Variants in HSCB observed in about 807,000 individuals in gnomAD.
HSCB encodes iron-sulfur cluster co-chaperone protein HscB.
A neutral mutation model predicts 31.3 loss-of-function variants in HSCB; 23 were observed. That is an observed-to-expected ratio of 0.74 (90% CI 0.53 to 1.04). HSCB has a LOEUF of 1.04. HSCB is among the 50% of genes least tolerant of loss of function. The pLI is 0.00. For synonymous variants in HSCB, 110 were observed against 104.5 expected (o/e 1.05, Z -0.32); for missense variants, 297 against 288.1 (o/e 1.03, Z -0.22).
chr22:28,754,427 TGA>T (rs2030464999), intron 5 of HSCB, among the ~76,000 whole-genome samples: 1 of 152,052 alleles, frequency 6.6e-6, no homozygotes, highest in Non-Finnish European at 1.5e-5. Context: ...CCCAGCACTT[TGA>T]GAGACTGAGG....
intron 3 of HSCB, chr22:28,745,120 C>T (rs1303400480): frequency 6.3e-6 from 1 of 157,826 alleles, no homozygotes; most frequent in Non-Finnish European, 1.4e-5. Context: ...GTATAATTTT[C>T]TCTGTGAATA....
At chr22:28,747,173 C>T (rs2146212184) in intron 4 of HSCB, among the ~76,000 whole-genome samples, 2 of 152,276 alleles carry the variant, frequency 1.3e-5, no homozygotes, top group Admixed American at 1.3e-4. Context: ...CCTGTTTTTG[C>T]ACTTAATGCC....
rs757813201 is a variant in HSCB, at chr22:28,742,342, C to G, written c.236+11C>G. The G allele has an allele frequency of 1.9e-6, 3 of 1,607,654 alleles. No individual in the cohort carries two copies. The highest frequency in any genetic ancestry group is 1.7e-6 in the Non-Finnish European group (2 of 1,175,034). ...CAGCCTTATGGACTGGTACGAGCGA[C>G]GGTTTCGGGAAACGGGCCCGGGCGA... is the stretch of plus-strand genomic sequence containing the variant. On this transcript the variant is annotated intron_variant, in intron 1 of 5. Coordinates refer to ENST00000216027, the MANE Select transcript of HSCB (RefSeq NM_172002.5).
At chr22:28,750,630 G>A (rs975753020) in intron 4 of HSCB, among the ~76,000 whole-genome samples, 4 of 152,076 alleles carry the variant, frequency 2.6e-5, no homozygotes, top group African/African-American at 9.7e-5. Context: ...ACAGTGCTTC[G>A]AAAGACGACA....
At chr22:28,755,278 C>T (rs1478799423) in intron 5 of HSCB, among the ~76,000 whole-genome samples, 2 of 151,770 alleles carry the variant, frequency 1.3e-5, no homozygotes, top group East Asian at 2.0e-4. Context: ...GGCAAGGTGG[C>T]GGGCACCTGT....
intron 1 of HSCB, among the ~76,000 whole-genome samples, 169 bp from the exon 2 acceptor site, chr22:28,743,713 C>G (rs1268183436): frequency 6.6e-6 from 1 of 152,214 alleles, no homozygotes; most frequent in Non-Finnish European, 1.5e-5. Context: ...TCCACTACAT[C>G]TGCTACACTC....
intron 4 of HSCB, among the ~76,000 whole-genome samples, chr22:28,750,945 C>CTTTTTTTTTTTTT (rs758451182): frequency 0.019 from 1,070 of 56,358 alleles, 122 homozygotes; most frequent in Middle Eastern, 0.047. Flanking sequence ...ATATCTTTGT[C>CTTTTTTTTTTTTT]TTTTTTTTTT....
intron 5 of HSCB, among the ~76,000 whole-genome samples, chr22:28,753,743 C>T (rs956753465): frequency 2.0e-5 from 3 of 151,912 alleles, no homozygotes; most frequent in African/African-American, 4.8e-5. Context: ...GAGGCTGAGG[C>T]AGGAGAATGG....
chr22:28,756,104 A>G (rs918490711), intron 5 of HSCB, among the ~76,000 whole-genome samples: 1 of 152,080 alleles, frequency 6.6e-6, no homozygotes. Flanking sequence ...AAAATTGGCC[A>G]GGCATGGTGG....
chr22:28,745,334 G>GTT, intron 3 of HSCB: 1 of 110,506 alleles, frequency 9.0e-6, no homozygotes, highest in Non-Finnish European at 2.1e-5. Flanking sequence ...TGGATCACGA[G>GTT]GTCAGGAGTT....
intron 4 of HSCB, among the ~76,000 whole-genome samples, chr22:28,746,988 C>T (rs1018738079): frequency 2.0e-5 from 3 of 151,784 alleles, no homozygotes; most frequent in Admixed American, 6.6e-5. Flanking sequence ...CATCTGAGCC[C>T]AGGAGGCAGA....
chr22:28,751,208 T>C (rs758166047), intron 4 of HSCB, 33 bp from the exon 5 acceptor site: 7 of 1,416,078 alleles, frequency 4.9e-6, no homozygotes, highest in South Asian at 3.6e-5. Flanking sequence ...TCTATTTCAA[T>C]GGAAAAATTA....
At chr22:28,750,597 G>A (rs2030164398) in intron 4 of HSCB, among the ~76,000 whole-genome samples, 1 of 152,074 alleles carries the variant, frequency 6.6e-6, no homozygotes, top group Non-Finnish European at 1.5e-5. Context: ...GTCATTTCCT[G>A]CCTTACGGAT....
intron 5 of HSCB, among the ~76,000 whole-genome samples, chr22:28,755,844 C>G (rs2030566154): frequency 1.3e-5 from 2 of 152,266 alleles, no homozygotes; most frequent in South Asian, 4.1e-4. Flanking sequence ...AGCAGCATCC[C>G]TGGCCTGTAC....
chr22:28,750,821 A>C lies in HSCB; in HGVS notation c.569-420A>C, dbSNP rs191446183. Among the ~76,000 whole-genome samples the C allele has an allele frequency of 2.6e-5, 4 of 152,212 alleles. No individual in the cohort carries two copies. The East Asian group carries it at 7.7e-4, about 29-fold the overall frequency. Reference sequence around the variant, plus strand: ...TTTCCTGAGAGGCTATACAGTTTGCAAGTGGTTGCCGGAAACACTCAGTAA... The same window carrying C: ...TTTCCTGAGAGGCTATACAGTTTGCCAGTGGTTGCCGGAAACACTCAGTAA... On this transcript the variant is annotated intron_variant, in intron 4 of 5. Transcript: ENST00000216027.
At chr22:28,746,709 G>T (rs1320671834) in intron 4 of HSCB, among the ~76,000 whole-genome samples, 1 of 152,130 alleles carries the variant, frequency 6.6e-6, no homozygotes, top group Non-Finnish European at 1.5e-5. Flanking sequence ...AGACCAGCCA[G>T]GCCAACATGG....
intron 4 of HSCB, among the ~76,000 whole-genome samples, chr22:28,747,881 C>A (rs567856258): frequency 1.3e-5 from 2 of 149,790 alleles, no homozygotes; most frequent in African/African-American, 4.8e-5. Context: ...ACCTTTCCCC[C>A]CCAAAAAAAT....
Position 28,745,898 on chromosome 22 carries a change from C to T in HSCB, c.458C>T (p.Thr153Ile). The change falls in exon 4 of 6, where the codon ACA becomes ATA. Residue 153 changes from threonine (T) to isoleucine (I), a missense_variant. Transcript: ENST00000216027. ...KLHGIEIPER[T>I]DYEMDRQFLI... ...CATGGAATAGAGATTCCTGAAAGGA[C>T]AGATTATGAAATGGACAGGCAATTC... The T allele has an allele frequency of 6.2e-7, 1 of 1,612,720 alleles. No homozygotes were observed. Among genetic ancestry groups the T allele is most frequent in the Non-Finnish European group, 8.5e-7 (1 of 1,179,382 alleles).
rs1169110365 is a variant in HSCB, at chr22:28,757,084, T to C, written c.623T>C (p.Phe208Ser). 2 of 1,561,860 alleles carry C rather than the reference T, an allele frequency of 1.3e-6. No individual in the cohort carries two copies. The highest frequency in any genetic ancestry group is 2.2e-5 in the East Asian group (1 of 44,620). Residue 208 changes from phenylalanine to serine, a missense_variant, in exon 6 of 6, where the codon TTT becomes TCT. Coordinates refer to ENST00000216027, the MANE Select transcript of HSCB (RefSeq NM_172002.5). ...GTGTCTCTGTCTATTTCAGATGACT[T>C]TGAAGAAGCCAAGGAAATTTTGACA... ...NVSSAFEQDDFEEAKEILTKM... is the reference protein window; with the variant it reads ...NVSSAFEQDDSEEAKEILTKM...
Sources: allele counts gnomAD v4.1 joint callset (sites outside exome capture counted in the v4.1 genomes callset), GRCh38; gene constraint gnomAD v4.1.1; transcripts MANE v1.5; gene names NCBI Gene and HGNC (gene_info 2026-07-23, HGNC 2026-07-21).